SPAG5: variants seen among roughly 807,000 people sequenced by gnomAD.
SPAG5 encodes sperm associated antigen 5, also known as sperm-associated antigen 5.
Under a neutral mutation model 145.4 loss-of-function variants are expected in SPAG5, and 99 were observed. That is an observed-to-expected ratio of 0.68 (90% CI 0.58 to 0.80). SPAG5 has a LOEUF of 0.80. Ranked by LOEUF, SPAG5 falls within the 30% of genes least tolerant of loss-of-function variation. The pLI, the probability that SPAG5 is intolerant of heterozygous loss-of-function variation, is 0.00. For missense variants in SPAG5, 1,192 were observed against 1,416.0 expected (o/e 0.84, Z 2.54); for synonymous variants, 477 against 525.4 (o/e 0.91, Z 1.26).
At chr17:28,588,889 C>T (rs2070602688) in intron 4 of SPAG5, among the ~76,000 whole-genome samples, 1 of 152,006 alleles carries the variant, frequency 6.6e-6, no homozygotes, top group Non-Finnish European at 1.5e-5. Flanking sequence ...ACTATGTTAG[C>T]CAGGCTGGTC....
chr17:28,593,005 GAAGAT>G lies in SPAG5; in HGVS notation c.234_238del (p.Leu78PhefsTer17). On this transcript the variant is annotated frameshift_variant, in exon 3 of 24. Coordinates refer to ENST00000321765, the MANE Select transcript of SPAG5 (RefSeq NM_006461.4). LOFTEE classifies it high-confidence loss of function. ...CTTTGAGGAATGACTGAAATGTTCT[GAAGAT>G]AAGTCTGTCCTCTTGTTATTTACAA... 5 of 1,614,182 alleles carry G rather than the reference GAAGAT, an allele frequency of 3.1e-6. No individual in the cohort carries two copies. Among genetic ancestry groups the G allele is most frequent in the Non-Finnish European group, 4.2e-6 (5 of 1,180,026 alleles).
chr17:28,579,651 T>C (rs1018405222), intron 17 of SPAG5, 100 bp downstream of exon 17: 9 of 1,399,998 alleles, frequency 6.4e-6, no homozygotes, highest in East Asian at 4.6e-5. Context: ...CCAAGTAGAA[T>C]TGAGGTTTTT....
Position 28,592,947 on chromosome 17 carries a change from C to T in SPAG5, c.297G>A (p.Glu99=). Residue 99 remains glutamate (E), a synonymous_variant, in exon 3 of 24, where the codon GAG becomes GAA. Coordinates refer to ENST00000321765, the MANE Select transcript of SPAG5 (RefSeq NM_006461.4). ...WLETCQHESD[E]QPLDPIPQIS... ...TTTGGGGAATTGGATCTAGAGGCTG[C>T]TCATCTGATTCATGCTGACAAGTTT... The T allele has an allele frequency of 6.2e-7, 1 of 1,614,178 alleles. No individual in the cohort carries two copies. The highest frequency in any genetic ancestry group is 8.5e-7 in the Non-Finnish European group (1 of 1,180,038).
chr17:28,584,315 A>G lies in SPAG5; in HGVS notation c.2309+18T>C, dbSNP rs761426188. 6.2e-7 allele frequency: 1 copy of G among 1,613,990 alleles called. No homozygotes were observed. Among genetic ancestry groups the G allele is most frequent in the South Asian group, 1.1e-5 (1 of 91,080 alleles). On this transcript the variant is annotated intron_variant, in intron 12 of 23. Coordinates refer to ENST00000321765, the MANE Select transcript of SPAG5 (RefSeq NM_006461.4). ...AATCCTGGATGCCTACTGCCACAGT[A>G]CCCCGTTAGGAACTCACTGAGCAGC...
intron 10 of SPAG5, 93 bp downstream of exon 10, chr17:28,585,009 G>T: frequency 8.0e-7 from 1 of 1,242,284 alleles, no homozygotes; most frequent in Non-Finnish European, 1.2e-6. Flanking sequence ...AAACCCACAG[G>T]GTGAAAAGAA....
At chr17:28,581,012 C>G (rs553733742) in intron 15 of SPAG5, among the ~76,000 whole-genome samples, 33 of 152,282 alleles carry the variant, frequency 2.2e-4, no homozygotes, top group Non-Finnish European at 2.4e-4. Context: ...AGGGAACACC[C>G]TATCAAAAGT....
chr17:28,591,103 A>T lies in SPAG5; in HGVS notation c.1437+595T>A, dbSNP rs576706133. 3.9e-5 allele frequency among the ~76,000 whole-genome samples: 6 copies of T among 152,280 alleles called. No individual in the cohort carries two copies. The South Asian group carries it at 1.2e-3, about 32-fold the overall frequency. On this transcript the variant is annotated intron_variant, in intron 4 of 23. Coordinates refer to ENST00000321765, the MANE Select transcript of SPAG5 (RefSeq NM_006461.4). Reference sequence around the variant, plus strand: ...AAAAAATGTTTTAGGCTTATTCATAATTTTTCTTAAAATATTAAATATAGT... The same window carrying T: ...AAAAAATGTTTTAGGCTTATTCATATTTTTTCTTAAAATATTAAATATAGT...
rs1184982897 is a variant in SPAG5, at chr17:28,592,508, G to C, written c.736C>G (p.Leu246Val). The C allele has an allele frequency of 1.2e-6, 2 of 1,613,982 alleles. No homozygotes were observed. Among genetic ancestry groups the C allele is most frequent in the Admixed American group, 1.7e-5 (1 of 60,004 alleles). ...AAGGCAGTTGAAGGGGAAAGCCAGA[G>C]AACAGAGGAAGGCAAGAAGGCGTTA... ...ESNAFLPSSV[L>V]WLSPSTALAA... The change falls in exon 3 of 24, where the codon CTC (leucine) becomes GTC (valine). Residue 246 changes from leucine (L) to valine (V), a missense_variant. Leu to Val is a conservative substitution (Grantham distance 32). This residue lies in a region of SPAG5 where 329 missense variants were observed against 354.0 expected (regional missense o/e 0.93). Transcript: ENST00000321765.
chr17:28,584,598 T>C, intron 11 of SPAG5, 54 bp downstream of exon 11: 1 of 1,600,114 alleles, frequency 6.2e-7, no homozygotes, highest in South Asian at 1.1e-5. Flanking sequence ...ACTCCAAGCC[T>C]TAACAGGGCT....
intron 5 of SPAG5, 99 bp from the exon 6 acceptor site, chr17:28,586,281 G>A (rs1008542325): frequency 6.5e-6 from 8 of 1,228,958 alleles, no homozygotes; most frequent in Middle Eastern, 1.9e-4. Flanking sequence ...TCCAAGCTCC[G>A]CATAAGGAGA....
chr17:28,586,461 C>T lies in SPAG5; in HGVS notation c.1476G>A (p.Glu492=). 6.2e-7 allele frequency: 1 copy of T among 1,614,034 alleles called. No homozygotes were observed. Among genetic ancestry groups the T allele is most frequent in the Non-Finnish European group, 8.5e-7 (1 of 1,179,830 alleles). Reference sequence around the variant, plus strand: ...TGGCCTGCTGTAGGGCCTGTCCCATCTCATGGCTCTCCTTAAGATGCTGAA... The same window carrying T: ...TGGCCTGCTGTAGGGCCTGTCCCATTTCATGGCTCTCCTTAAGATGCTGAA... ...NKLQHLKESH[E]MGQALQQARN... The change falls in exon 5 of 24, where the codon GAG becomes GAA. Residue 492 remains glutamate (E), a synonymous_variant. Transcript: ENST00000321765.
Position 28,586,580 on chromosome 17 carries a change from G to T in SPAG5, c.1438-81C>A, listed in dbSNP as rs576955051. On this transcript the variant is annotated intron_variant, in intron 4 of 23. Coordinates refer to ENST00000321765, the MANE Select transcript of SPAG5 (RefSeq NM_006461.4). ...AGAGTCTTGCTCTATCATCCAGACTGGAGTGCAGTGGCACAATCTCAGCTC... is the reference window on the plus strand; with the variant it reads ...AGAGTCTTGCTCTATCATCCAGACTTGAGTGCAGTGGCACAATCTCAGCTC... The T allele has an allele frequency of 2.0e-4, 224 of 1,124,876 alleles. No individual in the cohort carries two copies. In the African/African-American group the frequency reaches 2.6e-3, roughly 13 times the overall value. The allele number at this position is 1,124,876 out of a possible 1,614,324, so 69.7% of individuals were successfully genotyped here.
In SPAG5 at chr17:28,592,677, A is replaced by C; in HGVS notation, c.567T>G (p.Ser189=). The part of the protein sequence containing the change: ...GDRFSEVAAV[S]EKPIFQESPS... Reference sequence around the variant, plus strand: ...GAGATTCCTGAAAGATAGGTTTCTCAGATACAGCAGCAACTTCTGAAAACC... The same window carrying C: ...GAGATTCCTGAAAGATAGGTTTCTCCGATACAGCAGCAACTTCTGAAAACC... Residue 189 remains serine, a synonymous_variant, in exon 3 of 24, where the codon TCT becomes TCG. Coordinates refer to ENST00000321765, the MANE Select transcript of SPAG5 (RefSeq NM_006461.4). 1 of 1,614,158 alleles carries C rather than the reference A, an allele frequency of 6.2e-7. No homozygotes were observed. Among genetic ancestry groups the C allele is most frequent in the Non-Finnish European group, 8.5e-7 (1 of 1,180,004 alleles).
Position 28,577,612 on chromosome 17 carries a change from G to A in SPAG5, c.*87C>T, listed in dbSNP as rs550348662. The A allele has an allele frequency of 2.3e-6, 2 of 872,310 alleles. No homozygotes were observed. Among genetic ancestry groups the A allele is most frequent in the Admixed American group, 1.8e-5 (1 of 55,794 alleles). 54.0% of individuals were successfully genotyped at this position (872,310 alleles called of 1,614,324 possible). ...CTTTATTTAAATAGCATTTATCTCA[G>A]TTGGCTCTATGCCAGTTGGTCTTGG... On this transcript the variant is annotated 3_prime_UTR_variant, in exon 24 of 24. Coordinates refer to ENST00000321765, the MANE Select transcript of SPAG5 (RefSeq NM_006461.4).
chr17:28,591,650 C>T, intron 4 of SPAG5, 48 bp downstream of exon 4: 2 of 1,514,980 alleles, frequency 1.3e-6, no homozygotes, highest in Non-Finnish European at 1.8e-6. Context: ...GCTTAAATTC[C>T]AAGGATCCCC....
intron 10 of SPAG5, 79 bp from the exon 11 acceptor site, chr17:28,584,824 G>GTCTT: frequency 1.8e-6 from 2 of 1,142,806 alleles, no homozygotes; most frequent in Non-Finnish European, 2.7e-6. Context: ...TTCTCTTTCT[G>GTCTT]GACAAGACAG....
rs146681950 is a variant in SPAG5, at chr17:28,585,905, C to T, written c.1699G>A (p.Ala567Thr). Residue 567 changes from alanine to threonine, a missense_variant, in exon 7 of 24, where the codon GCA becomes ACA. By Grantham distance (58) the Ala-to-Thr change is moderately conservative. Transcript: ENST00000321765. ...AGAGCCATTTCCTCTCTGTGCCTTG[C>T]CTCCTCCCTTTCTGCTTTGAGGCTC... ...LQSLKAEREE[A>T]RHREEMALRG... is the part of the protein sequence containing the mutation. 62 of 1,614,228 alleles carry T rather than the reference C, an allele frequency of 3.8e-5. 1 individual carries two copies. In the African/African-American group the frequency reaches 7.1e-4, roughly 18 times the overall value.
intron 16 of SPAG5, 35 bp from the exon 17 acceptor site, chr17:28,579,872 CTG>C: frequency 6.3e-7 from 1 of 1,597,646 alleles, no homozygotes; most frequent in Non-Finnish European, 8.6e-7. Context: ...GAGGGCCCCT[CTG>C]ATGATCCAGG....
chr17:28,580,341 A>AAAACC (rs2070541948), intron 15 of SPAG5: 1 of 321,890 alleles, frequency 3.1e-6, no homozygotes, highest in Admixed American at 4.7e-5. Flanking sequence ...AAAACAAAAC[A>AAAACC]AAACCCTTCT....
Sources: gnomAD v4.1 joint callset for allele counts (sites outside exome capture counted in the v4.1 genomes callset) on GRCh38, gnomAD v4.1.1 for gene constraint, gnomAD v4.1.1 regional missense constraint, MANE v1.5 for transcripts, NCBI Gene and HGNC (gene_info 2026-07-23, HGNC 2026-07-21) for gene names.